Variants in SNTG2 observed in about 807,000 individuals in gnomAD.
The protein encoded by SNTG2 is gamma-2-syntrophin.
In SNTG2, 74 loss-of-function variants were observed where a neutral mutation model predicts 70.9. The ratio of observed to expected loss-of-function variants is 1.04; its 90% confidence interval spans 0.86 to 1.27. SNTG2 has a LOEUF of 1.27. Among genes scored for constraint, SNTG2 ranks in the 50% most tolerant of loss-of-function variants. The pLI, the probability that SNTG2 is intolerant of heterozygous loss-of-function variation, is 0.00. For synonymous variants in SNTG2, 278 were observed against 273.8 expected (o/e 1.02, Z -0.15); for missense variants, 717 against 690.7 (o/e 1.04, Z -0.43).
chr2:1,178,082 C>G (rs1457173686), intron 8 of SNTG2, among the ~76,000 whole-genome samples: 1 of 152,040 alleles, frequency 6.6e-6, no homozygotes, highest in Non-Finnish European at 1.5e-5. Flanking sequence ...GACTCAAAAT[C>G]CTGTAAGAAT....
At chr2:1,123,975 G>A (rs1667540183) in intron 4 of SNTG2, among the ~76,000 whole-genome samples, 1 of 152,172 alleles carries the variant, frequency 6.6e-6, no homozygotes, top group Non-Finnish European at 1.5e-5. Flanking sequence ...CAGAAGCTGG[G>A]GATTGGAGAA....
At chr2:966,347 A>G (rs1357826506) in intron 1 of SNTG2, among the ~76,000 whole-genome samples, 1 of 152,058 alleles carries the variant, frequency 6.6e-6, no homozygotes, top group African/African-American at 2.4e-5. Flanking sequence ...TCTTTGCCTG[A>G]TTCTGCAATT....
rs112416116 is a variant in SNTG2, at chr2:958,431, G to A, written c.72+7363G>A. Among the ~76,000 whole-genome samples, 1,516 of 152,326 alleles carry A rather than the reference G, an allele frequency of 1.0e-2. 14 individuals are homozygous for A. Among genetic ancestry groups the A allele is most frequent in the African/African-American group, 0.034 (1,418 of 41,566 alleles). On this transcript the variant is annotated intron_variant, in intron 1 of 16. Coordinates refer to ENST00000308624, the MANE Select transcript of SNTG2 (RefSeq NM_018968.4). ...ACACATAGCAGTGAAATGATGTTGAGATCATGCAGAGTACTATGTGATATT... is the reference window on the plus strand; with the variant it reads ...ACACATAGCAGTGAAATGATGTTGAAATCATGCAGAGTACTATGTGATATT...
chr2:985,093 G>T (rs1015107987), intron 1 of SNTG2, among the ~76,000 whole-genome samples: 1 of 152,042 alleles, frequency 6.6e-6, no homozygotes, highest in Non-Finnish European at 1.5e-5. Flanking sequence ...ATCAAGTGTT[G>T]CCTGAAAAGC....
intron 4 of SNTG2, among the ~76,000 whole-genome samples, chr2:1,130,784 A>G (rs1667966468): frequency 6.6e-6 from 1 of 152,116 alleles, no homozygotes; most frequent in African/African-American, 2.4e-5. Context: ...AGCATTTTTC[A>G]TGGCCCTTCG....
rs190901649 is a variant in SNTG2, at chr2:1,362,812, C to T, written c.1489-4531C>T. Among the ~76,000 whole-genome samples, 202 of 151,924 alleles carry T rather than the reference C, an allele frequency of 1.3e-3. 6 individuals carry two copies. Among genetic ancestry groups the T allele is most frequent in the African/African-American group, 4.4e-3 (181 of 41,408 alleles). On this transcript the variant is annotated intron_variant, in intron 16 of 16. Transcript: ENST00000308624. ...TCAATAGAACTTCCGTGAAAGTCACCGATGCTGAGCATTTCAGTAGAACTT... is the reference window on the plus strand; with the variant it reads ...TCAATAGAACTTCCGTGAAAGTCACTGATGCTGAGCATTTCAGTAGAACTT...
intron 12 of SNTG2, among the ~76,000 whole-genome samples, chr2:1,252,030 T>G (rs964946970): frequency 3.3e-5 from 5 of 152,190 alleles, no homozygotes; most frequent in Non-Finnish European, 4.4e-5. Flanking sequence ...TCCACCAGGC[T>G]TGAGTTCAGA....
chr2:1,171,671 A>C (rs1456438632), intron 7 of SNTG2, among the ~76,000 whole-genome samples: 1 of 152,222 alleles, frequency 6.6e-6, no homozygotes, highest in Admixed American at 6.5e-5. Flanking sequence ...TAAAATTGAC[A>C]ACTACCCTTT....
intron 1 of SNTG2, among the ~76,000 whole-genome samples, chr2:953,563 A>G (rs1402888461): frequency 6.6e-6 from 1 of 152,196 alleles, no homozygotes; most frequent in South Asian, 2.1e-4. Context: ...AAGGTTCCCC[A>G]TTCCTTCTAT....
At chr2:1,255,832 A>AT (rs376993994) in intron 12 of SNTG2, among the ~76,000 whole-genome samples, 1 of 41,684 alleles carries the variant, frequency 2.4e-5, no homozygotes, top group Admixed American at 3.7e-4. Flanking sequence ...ATATATATAT[A>AT]AATATATATA....
At position 1,353,147 on chromosome 2, in the gene SNTG2, C is replaced by T. The variant is rs556793240; in HGVS notation, c.1489-14196C>T. ...ACTGGGAGCTTGAAACTGGCTGTGG[C>T]GGGAGCACATATACCTCAGCAGTGA... On this transcript the variant is annotated intron_variant, in intron 16 of 16. Coordinates refer to ENST00000308624, the MANE Select transcript of SNTG2 (RefSeq NM_018968.4). This position sits in a 1 kb window ranked among gnomAD's most constrained non-coding sequence, Gnocchi z 4.2. Among the ~76,000 whole-genome samples the T allele has an allele frequency of 1.2e-4, 19 of 152,198 alleles. No individual in the cohort carries two copies. The East Asian group carries it at 2.9e-3, about 23-fold the overall frequency.
intron 1 of SNTG2, among the ~76,000 whole-genome samples, chr2:1,009,878 C>T (rs746467556): frequency 6.6e-6 from 1 of 152,172 alleles, no homozygotes; most frequent in Non-Finnish European, 1.5e-5. Context: ...TCTCTCTTCT[C>T]ATCCTTTCAT....
intron 8 of SNTG2, among the ~76,000 whole-genome samples, chr2:1,186,061 G>A (rs1342952005): frequency 6.6e-6 from 1 of 152,112 alleles, no homozygotes; most frequent in African/African-American, 2.4e-5. Flanking sequence ...TGAATGCTTT[G>A]CTGCTCAGAA....
In SNTG2 at chr2:1,050,713, A is replaced by C. The variant is rs551730837; in HGVS notation, c.73-32805A>C. On this transcript the variant is annotated intron_variant, in intron 1 of 16. Transcript: ENST00000308624. ...TATGACTTATTCTAGGATTATTATT[A>C]AACAGCTTCCAATAACAATTATTGT... Among the ~76,000 whole-genome samples the C allele has an allele frequency of 8.5e-5, 13 of 152,328 alleles. No homozygotes were observed. In the South Asian group the frequency reaches 2.5e-3, roughly 29 times the overall value.
intron 16 of SNTG2, among the ~76,000 whole-genome samples, chr2:1,361,800 ATG>A (rs1473804971): frequency 2.6e-5 from 4 of 151,204 alleles, no homozygotes; most frequent in African/African-American, 9.8e-5. Context: ...AAGGTCACCG[ATG>A]CTGAGCATTT....
chr2:1,161,935 G>A (rs1446248220), intron 6 of SNTG2, among the ~76,000 whole-genome samples: 5 of 152,004 alleles, frequency 3.3e-5, no homozygotes, highest in South Asian at 2.1e-4. Context: ...TTAGCCAGGC[G>A]AGATGGCGGG....
intron 1 of SNTG2, among the ~76,000 whole-genome samples, chr2:965,324 A>T (rs1355120548): frequency 3.0e-4 from 31 of 104,086 alleles, no homozygotes; most frequent in Middle Eastern, 7.2e-3. Context: ...TCCTCCTTGG[A>T]CCCCAATCCT....
intron 1 of SNTG2, among the ~76,000 whole-genome samples, chr2:1,003,234 A>C (rs1447246753): frequency 6.6e-6 from 1 of 152,168 alleles, no homozygotes; most frequent in Non-Finnish European, 1.5e-5. Context: ...TACCCCCTAA[A>C]TCTATAAAAA....
chr2:1,123,154 T>A (rs537057280), intron 4 of SNTG2, among the ~76,000 whole-genome samples: 1 of 152,082 alleles, frequency 6.6e-6, no homozygotes, highest in African/African-American at 2.4e-5. Flanking sequence ...AAGTTATATA[T>A]AGATTCAGTG....
Sources: gnomAD v4.1 joint callset for allele counts (sites outside exome capture counted in the v4.1 genomes callset) on GRCh38, gnomAD v4.1.1 for gene constraint, Gnocchi (gnomAD v3.1) non-coding constraint, MANE v1.5 for transcripts, NCBI Gene and HGNC (gene_info 2026-07-23, HGNC 2026-07-21) for gene names.